Variants in DDAH1 observed in about 807,000 individuals in gnomAD.
DDAH1 encodes the protein N(G),N(G)-dimethylarginine dimethylaminohydrolase 1.
DDAH1 carries 19 observed loss-of-function variants against 28.8 expected under a neutral mutation model. That is an observed-to-expected ratio of 0.66 (90% CI 0.46 to 0.97). DDAH1 has a LOEUF of 0.97. Among genes scored for constraint, DDAH1 ranks in the 50% least tolerant of loss-of-function variants. The probability of loss-of-function intolerance (pLI) is 0.00; values close to 1 mark genes in which losing one functional copy is unlikely to be tolerated. For missense variants in DDAH1, 326 were observed against 375.9 expected (o/e 0.87, Z 1.10); for synonymous variants, 153 against 154.4 (o/e 0.99, Z 0.07).
intron 4 of DDAH1, among the ~76,000 whole-genome samples, chr1:85,335,121 C>T (rs1648024939): frequency 6.6e-6 from 1 of 152,208 alleles, no homozygotes; most frequent in South Asian, 2.1e-4. Flanking sequence ...AGAGCAAACA[C>T]ACGAATGAGG....
At chr1:85,514,219 T>C (rs1212081491) in intron 1 of DDAH1, among the ~76,000 whole-genome samples, 1 of 152,094 alleles carries the variant, frequency 6.6e-6, no homozygotes, top group African/African-American at 2.4e-5. Flanking sequence ...AAAGGATGGG[T>C]TCATGTCCTT....
chr1:85,566,503 A>C (rs1451933574), intron 1 of DDAH1, among the ~76,000 whole-genome samples: 1 of 151,790 alleles, frequency 6.6e-6, no homozygotes, highest in African/African-American at 2.4e-5. Context: ...AAAAAAAAAA[A>C]AAAGAAAAGA....
At chr1:85,467,582 TC>T (rs1484045238), upstream of DDAH1, 1 of 152,242 alleles carries the variant, frequency 6.6e-6, no homozygotes, top group East Asian at 1.9e-4. Context: ...AAGCATGCCT[TC>T]TATTTTCTCT....
At chr1:85,565,345 T>C (rs1030439458) in intron 1 of DDAH1, among the ~76,000 whole-genome samples, 3 of 152,162 alleles carry the variant, frequency 2.0e-5, no homozygotes, top group African/African-American at 7.2e-5. Context: ...AAAAATATCT[T>C]CCAAAAATTA....
chr1:85,441,327 G>T (rs1265826668), intron 1 of DDAH1, among the ~76,000 whole-genome samples: 1 of 152,158 alleles, frequency 6.6e-6, no homozygotes, highest in South Asian at 2.1e-4. Context: ...CAGGTCACGA[G>T]GTCAGGAGGT....
rs371896046 is a variant in DDAH1 at position 85,524,505 on chromosome 1, T to C, written c.-122-28224A>G. Among the ~76,000 whole-genome samples the C allele has an allele frequency of 4.8e-3, 734 of 151,854 alleles. 5 individuals are homozygous for C. The highest frequency in any genetic ancestry group is 0.017 in the African/African-American group (688 of 41,410). On this transcript the variant is annotated intron_variant, in intron 1 of 6. Transcript: ENST00000426972. Reference sequence around the variant, plus strand: ...AAATACTGTATCTGATAAAATGGGATTGTTTCTACTGAAGACTCATCTGGC... The same window carrying C: ...AAATACTGTATCTGATAAAATGGGACTGTTTCTACTGAAGACTCATCTGGC...
At chr1:85,448,523 AG>A (rs1654534435) in intron 1 of DDAH1, among the ~76,000 whole-genome samples, 1 of 152,172 alleles carries the variant, frequency 6.6e-6, no homozygotes, top group South Asian at 2.1e-4. Flanking sequence ...ACAAATATTC[AG>A]ATGAAAAACA....
At chr1:85,456,925 T>C (rs892574066) in intron 1 of DDAH1, among the ~76,000 whole-genome samples, 1 of 152,098 alleles carries the variant, frequency 6.6e-6, no homozygotes, top group Non-Finnish European at 1.5e-5. Flanking sequence ...GTTTCAGACT[T>C]AAAGTAGACT....
At chr1:85,412,792 G>A (rs939023957) in intron 1 of DDAH1, among the ~76,000 whole-genome samples, 3 of 152,182 alleles carry the variant, frequency 2.0e-5, no homozygotes, top group African/African-American at 7.2e-5. Context: ...CTTGAGCCCA[G>A]GAGTTCGAGA....
intron 1 of DDAH1, among the ~76,000 whole-genome samples, chr1:85,421,489 G>T (rs1653139745): frequency 1.3e-5 from 2 of 151,982 alleles, no homozygotes; most frequent in Admixed American, 1.3e-4. Context: ...TGCATACATT[G>T]AGGTTTATTC....
chr1:85,374,400 T>C (rs1650545223), intron 1 of DDAH1, among the ~76,000 whole-genome samples: 1 of 152,170 alleles, frequency 6.6e-6, no homozygotes, highest in African/African-American at 2.4e-5. Context: ...CTACCTAACC[T>C]GTTAGTCACC....
At chr1:85,364,353 A>G (rs1321934348) in intron 1 of DDAH1, among the ~76,000 whole-genome samples, 1 of 152,138 alleles carries the variant, frequency 6.6e-6, no homozygotes, top group African/African-American at 2.4e-5. Context: ...GATAAATGAA[A>G]TTTCTGTATA....
intron 1 of DDAH1, among the ~76,000 whole-genome samples, chr1:85,433,009 A>G (rs1653765827): frequency 6.6e-6 from 1 of 152,220 alleles, no homozygotes; most frequent in Non-Finnish European, 1.5e-5. Flanking sequence ...CTACTCTATG[A>G]CCATGATATT....
At chr1:85,387,959 G>A (rs1452556279) in intron 1 of DDAH1, among the ~76,000 whole-genome samples, 2 of 152,040 alleles carry the variant, frequency 1.3e-5, no homozygotes, top group Non-Finnish European at 1.5e-5. Context: ...AGGAAGCAAC[G>A]GAACTTGGGG....
At chr1:85,566,768 G>GTA (rs974274180) in intron 1 of DDAH1, among the ~76,000 whole-genome samples, 4 of 152,080 alleles carry the variant, frequency 2.6e-5, no homozygotes, top group African/African-American at 9.7e-5. Flanking sequence ...ATGTATGTAT[G>GTA]TATATATGTG....
chr1:85,495,288 C>T (rs559973938), intron 2 of DDAH1: 2 of 152,008 alleles, frequency 1.3e-5, no homozygotes, highest in South Asian at 4.2e-4. Context: ...ATGAGAAAGC[C>T]ATGCCATAAA....
intron 4 of DDAH1, among the ~76,000 whole-genome samples, chr1:85,341,674 G>C (rs1648491901): frequency 6.6e-6 from 1 of 152,084 alleles, no homozygotes; most frequent in Non-Finnish European, 1.5e-5. Context: ...ATCAGCCGGG[G>C]AGGTGGCGGG....
chr1:85,501,308 C>T (rs1656810868), intron 1 of DDAH1, among the ~76,000 whole-genome samples: 1 of 152,128 alleles, frequency 6.6e-6, no homozygotes, highest in South Asian at 2.1e-4. Context: ...TACCGCCTGG[C>T]CTTTCTTGGT....
intron 1 of DDAH1, among the ~76,000 whole-genome samples, chr1:85,420,945 A>G (rs983955153): frequency 6.6e-6 from 1 of 152,240 alleles, no homozygotes; most frequent in African/African-American, 2.4e-5. Context: ...GCTCAGTAGC[A>G]TCTGCTTCTA....
Sources: gnomAD v4.1 joint callset for allele counts (sites outside exome capture counted in the v4.1 genomes callset) on GRCh38, gnomAD v4.1.1 for gene constraint, MANE v1.5 for transcripts, NCBI Gene and HGNC (gene_info 2026-07-23, HGNC 2026-07-21) for gene names.